Variants in NEO1 observed in about 807,000 individuals in gnomAD.
NEO1 encodes neogenin.
In NEO1, 63 loss-of-function variants were observed where a neutral mutation model predicts 159.7. The observed-to-expected ratio is 0.39, with a 90% CI of 0.32 to 0.49. The LOEUF is 0.49. Ranked by LOEUF, NEO1 falls within the 20% of genes least tolerant of loss-of-function variation. The pLI is 0.85. For synonymous variants in NEO1, 633 were observed against 662.0 expected (o/e 0.96, Z 0.67); for missense variants, 1,615 against 1,831.0 (o/e 0.88, Z 2.15).
intron 4 of NEO1, among the ~76,000 whole-genome samples, chr15:73,131,151 G>A (rs1462758063): frequency 6.6e-6 from 1 of 152,166 alleles, no homozygotes; most frequent in African/African-American, 2.4e-5. Flanking sequence ...TCATAACATA[G>A]TACCTAAAAT....
intron 1 of NEO1, among the ~76,000 whole-genome samples, chr15:73,056,726 C>T (rs962734908): frequency 2.0e-5 from 3 of 152,160 alleles, no homozygotes; most frequent in African/African-American, 7.2e-5. Flanking sequence ...TTCCTTCAGC[C>T]ACTCTTCACA....
chr15:73,213,433 C>T (rs532446059), intron 7 of NEO1, among the ~76,000 whole-genome samples: 3 of 152,268 alleles, frequency 2.0e-5, no homozygotes, highest in South Asian at 4.1e-4. Context: ...TCCCACCATT[C>T]TCCCCAAGTC....
At chr15:73,238,789 ATC>A (rs1821127096) in intron 8 of NEO1, among the ~76,000 whole-genome samples, 1 of 152,094 alleles carries the variant, frequency 6.6e-6, no homozygotes, top group South Asian at 2.1e-4. Context: ...GGTTTTCACC[ATC>A]TCAGGCGATC....
chr15:73,100,100 C>T (rs530453247), intron 1 of NEO1, among the ~76,000 whole-genome samples: 5 of 152,236 alleles, frequency 3.3e-5, no homozygotes, highest in African/African-American at 9.6e-5. Flanking sequence ...AGTTCTTTAA[C>T]CTCGTCATCT....
intron 5 of NEO1, among the ~76,000 whole-genome samples, chr15:73,168,390 G>GT (rs1491407226): frequency 3.0e-4 from 32 of 106,426 alleles, no homozygotes; most frequent in African/African-American, 1.0e-3. Context: ...GGGGGGGGGG[G>GT]GTCTCACCAT....
chr15:73,161,564 G>A (rs2034180554), intron 5 of NEO1, among the ~76,000 whole-genome samples: 1 of 152,108 alleles, frequency 6.6e-6, no homozygotes, highest in Non-Finnish European at 1.5e-5. Context: ...TTCCATATAT[G>A]CTTAAATCCA....
intron 5 of NEO1, among the ~76,000 whole-genome samples, chr15:73,152,673 TGGGGGTG>T (rs950625782): frequency 2.0e-5 from 3 of 151,960 alleles, no homozygotes; most frequent in African/African-American, 7.3e-5. Context: ...TGTAACCGGT[TGGGGGTG>T]GGAGGAATTC....
At position 73,126,504 on chromosome 15, in the gene NEO1, T is replaced by G. The variant is rs1333155559; in HGVS notation, c.812T>G (p.Val271Gly). Residue 271 changes from valine (V) to glycine (G), a missense_variant, in exon 4 of 29, where the codon GTT (valine) becomes GGT (glycine). This residue lies in a region of NEO1 where 1,018 missense variants were observed against 1,115.4 expected (regional missense o/e 0.91). Transcript: ENST00000261908. ...VIGQDVVLPC[V>G]ASGLPTPTIK... Reference sequence around the variant, plus strand: ...GGTCAGGATGTAGTGTTGCCATGTGTTGCTTCAGGACTTCCTACTCCAACC... The same window carrying G: ...GGTCAGGATGTAGTGTTGCCATGTGGTGCTTCAGGACTTCCTACTCCAACC... The G allele has an allele frequency of 1.2e-6, 2 of 1,613,942 alleles. No individual in the cohort carries two copies. The highest frequency in any genetic ancestry group is 1.7e-6 in the Non-Finnish European group (2 of 1,179,992).
chr15:73,139,350 C>T (rs938046746), intron 5 of NEO1, among the ~76,000 whole-genome samples: 25 of 152,066 alleles, frequency 1.6e-4, no homozygotes, highest in Non-Finnish European at 3.4e-4. Context: ...AACTGAGACG[C>T]TCCTGCCAGT....
At chr15:73,177,212 TATC>T (rs914600763) in intron 6 of NEO1, among the ~76,000 whole-genome samples, 6 of 152,136 alleles carry the variant, frequency 3.9e-5, no homozygotes, top group African/African-American at 1.2e-4. Flanking sequence ...TACCTACTAT[TATC>T]ATCAATATCT....
intron 8 of NEO1, among the ~76,000 whole-genome samples, chr15:73,239,325 A>G (rs578131059): frequency 6.6e-6 from 1 of 152,352 alleles, no homozygotes; most frequent in Non-Finnish European, 1.5e-5. Context: ...ATAGCCTTCC[A>G]TCACACTTCT....
chr15:73,110,351 T>C (rs149521809), intron 1 of NEO1, among the ~76,000 whole-genome samples: 2 of 152,356 alleles, frequency 1.3e-5, no homozygotes, highest in East Asian at 1.9e-4. Flanking sequence ...ATGCTACTTA[T>C]CCTTCTGCCC....
chr15:73,222,081 CCT>C (rs1038910325), intron 7 of NEO1: 7 of 139,548 alleles, frequency 5.0e-5, no homozygotes, highest in African/African-American at 1.3e-4. Flanking sequence ...CACTCCTCCC[CCT>C]GTTGGTAATT....
At chr15:73,259,865 T>C (rs2040539861) in intron 14 of NEO1, among the ~76,000 whole-genome samples, 1 of 152,162 alleles carries the variant, frequency 6.6e-6, no homozygotes, top group Non-Finnish European at 1.5e-5. Context: ...TAAACACCTG[T>C]TAACAACAGG....
intron 4 of NEO1, among the ~76,000 whole-genome samples, chr15:73,129,835 T>G (rs2030849629): frequency 6.6e-6 from 1 of 152,038 alleles, no homozygotes; most frequent in African/African-American, 2.4e-5. Flanking sequence ...TCTGGGAAAA[T>G]TGAGTAGATA....
chr15:73,094,030 C>T (rs2069853390), intron 1 of NEO1, among the ~76,000 whole-genome samples: 1 of 152,156 alleles, frequency 6.6e-6, no homozygotes, highest in East Asian at 1.9e-4. Flanking sequence ...TTAGAATTAA[C>T]CATTCCTTCA....
intron 5 of NEO1, 46 bp from the exon 6 acceptor site, chr15:73,176,357 C>A (rs375725485): frequency 6.4e-6 from 8 of 1,255,536 alleles, no homozygotes; most frequent in Admixed American, 2.5e-5. Flanking sequence ...GAATAGCTGC[C>A]TAGTTCTATT....
intron 23 of NEO1, 37 bp downstream of exon 23, chr15:73,283,148 A>G: frequency 6.2e-7 from 1 of 1,611,116 alleles, no homozygotes; most frequent in South Asian, 1.1e-5. Context: ...GATTTTTGGC[A>G]TCTTATCTTT....
chr15:73,122,166 A>G (rs1449344381), intron 2 of NEO1, among the ~76,000 whole-genome samples: 2 of 149,240 alleles, frequency 1.3e-5, no homozygotes, highest in Non-Finnish European at 3.0e-5. Flanking sequence ...TGTTTCACAC[A>G]TACTTTTATA....
Sources: gnomAD v4.1 joint callset for allele counts (sites outside exome capture counted in the v4.1 genomes callset) on GRCh38, gnomAD v4.1.1 for gene constraint, gnomAD v4.1.1 regional missense constraint, MANE v1.5 for transcripts, NCBI Gene and HGNC (gene_info 2026-07-23, HGNC 2026-07-21) for gene names.